Variants in CC2D2B observed in about 807,000 individuals in gnomAD.
CC2D2B encodes protein CC2D2B.
A neutral mutation model predicts 161.2 loss-of-function variants in CC2D2B; 128 were observed. The observed-to-expected ratio is 0.79, with a 90% CI of 0.69 to 0.92. The LOEUF (loss-of-function observed/expected upper bound fraction) is 0.92, where lower values mean the gene tolerates loss of function less well. Among genes scored for constraint, CC2D2B ranks in the 40% least tolerant of loss-of-function variants. The pLI is 0.00. For synonymous variants in CC2D2B, 391 were observed against 449.8 expected, an observed-to-expected ratio of 0.87 and a Z score of 1.65; for missense variants, 1,173 against 1,375.1, an observed-to-expected ratio of 0.85 and a Z score of 2.32.
chr10:96,001,315 A>G (rs117528745), intron 24 of CC2D2B, among the ~76,000 whole-genome samples: 1 of 152,160 alleles, frequency 6.6e-6, no homozygotes, highest in Non-Finnish European at 1.5e-5. Context: ...CTTCTTATTC[A>G]TACACATAGA....
rs189011317 is a variant in CC2D2B, at chr10:95,981,596, G to A, written c.1944-379G>A. Among the ~76,000 whole-genome samples the A allele has an allele frequency of 9.2e-5, 14 of 152,146 alleles. No individual in the cohort carries two copies. In the East Asian group the frequency reaches 2.7e-3, roughly 29 times the overall value. On this transcript the variant is annotated intron_variant, in intron 17 of 34. Transcript: ENST00000646931. ...ATTAAATTTCAATATTGTGCATCCT[G>A]TGAAAAGAAAACATTTAATAAGTTA...
chr10:95,916,828 A>G (rs1771475579), intron 2 of CC2D2B, among the ~76,000 whole-genome samples: 1 of 152,234 alleles, frequency 6.6e-6, no homozygotes, highest in Non-Finnish European at 1.5e-5. Flanking sequence ...ATTCTTGAGC[A>G]TGATCCATGT....
chr10:95,913,372 G>T, intron 2 of CC2D2B: 1 of 383,346 alleles, frequency 2.6e-6, no homozygotes, highest in African/African-American at 2.1e-5. Context: ...ATCTGTTGAT[G>T]GACACTTAGG....
Position 96,019,206 on chromosome 10 carries a change from C to T in CC2D2B, c.3634C>T (p.His1212Tyr). 6.3e-7 allele frequency: 1 copy of T among 1,593,278 alleles called. No homozygotes were observed. The highest frequency in any genetic ancestry group is 8.5e-7 in the Non-Finnish European group (1 of 1,172,458). The change falls in exon 31 of 35, where the codon CAT (histidine) becomes TAT (tyrosine). Residue 1212 changes from histidine (H) to tyrosine (Y), a missense_variant. Physicochemically the swap from His to Tyr is moderately conservative, Grantham distance 83 (BLOSUM62 2). Transcript: ENST00000646931. ...TACTTTCTTTTTTCTCATACAGGGGCATGTGGCTTATGTAGTAACTCAAGA... is the reference window on the plus strand; with the variant it reads ...TACTTTCTTTTTTCTCATACAGGGGTATGTGGCTTATGTAGTAACTCAAGA... Reference protein sequence around the residue: ...VLLGTSVLEGHVAYVVTQETN... With the variant: ...VLLGTSVLEGYVAYVVTQETN...
At chr10:95,930,484 G>A (rs984547250) in intron 6 of CC2D2B, among the ~76,000 whole-genome samples, 1 of 152,174 alleles carries the variant, frequency 6.6e-6, no homozygotes, top group African/African-American at 2.4e-5. Flanking sequence ...AGTTTTCAAA[G>A]GGAATGCTTC....
rs2077528485 is a variant in CC2D2B at position 95,981,466 on chromosome 10, C to G, written c.1944-509C>G. 3.3e-5 allele frequency among the ~76,000 whole-genome samples: 5 copies of G among 150,984 alleles called. No individual in the cohort carries two copies. In the South Asian group the frequency reaches 1.0e-3, roughly 32 times the overall value. On this transcript the variant is annotated intron_variant, in intron 17 of 34. Coordinates refer to ENST00000646931, the MANE Select transcript of CC2D2B (RefSeq NM_001349008.3). ...GGATGGTCCTCTGGCACATACTTACCCAGTTAATTGCATTACTTTCTATTA... is the reference window on the plus strand; with the variant it reads ...GGATGGTCCTCTGGCACATACTTACGCAGTTAATTGCATTACTTTCTATTA...
chr10:95,969,270 G>T (rs535313117), intron 15 of CC2D2B, among the ~76,000 whole-genome samples: 19 of 152,214 alleles, frequency 1.2e-4, no homozygotes, highest in African/African-American at 4.1e-4. Context: ...TTCCTGACTT[G>T]GTGGCTTCAG....
chr10:95,974,300 C>A, intron 17 of CC2D2B, 144 bp downstream of exon 17: 1 of 419,664 alleles, frequency 2.4e-6, no homozygotes, highest in Non-Finnish European at 4.0e-6. Flanking sequence ...ATTTAAATCA[C>A]TCTACTAAGG....
intron 7 of CC2D2B, 83 bp downstream of exon 7, chr10:95,938,272 A>T: frequency 1.1e-6 from 1 of 882,278 alleles, no homozygotes; most frequent in South Asian, 1.7e-5. Context: ...CTGGATAAAT[A>T]AAAAATACTG....
intron 6 of CC2D2B, among the ~76,000 whole-genome samples, chr10:95,934,449 A>AG (rs2075739335): frequency 6.6e-6 from 1 of 151,250 alleles, no homozygotes; most frequent in African/African-American, 2.4e-5. Context: ...AAAAAAAAAA[A>AG]CAAACAAACA....
intron 24 of CC2D2B, chr10:95,999,859 G>A (rs2078394535): frequency 4.2e-6 from 2 of 481,786 alleles, no homozygotes; most frequent in Non-Finnish European, 4.1e-6. Context: ...TCTGGGTGAA[G>A]CAGGCTGGCA....
At chr10:96,014,751 C>G (rs2079119485) in intron 29 of CC2D2B, among the ~76,000 whole-genome samples, 1 of 152,236 alleles carries the variant, frequency 6.6e-6, no homozygotes, top group African/African-American at 2.4e-5. Context: ...GTCATCCTCT[C>G]CCTACTCCTC....
chr10:95,925,151 G>C (rs556190141), intron 5 of CC2D2B, among the ~76,000 whole-genome samples: 103 of 152,138 alleles, frequency 6.8e-4, no homozygotes, highest in Non-Finnish European at 1.2e-3. Context: ...ATTTGAACAG[G>C]CAACAATCCA....
intron 15 of CC2D2B, among the ~76,000 whole-genome samples, chr10:95,969,893 A>C (rs1180637514): frequency 6.6e-6 from 1 of 152,136 alleles, no homozygotes; most frequent in Non-Finnish European, 1.5e-5. Flanking sequence ...TCATCCTATC[A>C]CTTAGCATAT....
intron 9 of CC2D2B, among the ~76,000 whole-genome samples, chr10:95,943,988 C>T (rs1482194481): frequency 6.6e-6 from 1 of 152,016 alleles, no homozygotes; most frequent in Non-Finnish European, 1.5e-5. Context: ...CTATATTTTC[C>T]GTTTACCTAG....
intron 1 of CC2D2B, among the ~76,000 whole-genome samples, chr10:95,910,231 G>C (rs2098503641): frequency 6.6e-6 from 1 of 152,202 alleles, no homozygotes; most frequent in African/African-American, 2.4e-5. Context: ...GCATGAACTT[G>C]CATTTAACCG....
At chr10:95,979,108 CA>C (rs2077418319) in intron 17 of CC2D2B, among the ~76,000 whole-genome samples, 1 of 150,116 alleles carries the variant, frequency 6.7e-6, no homozygotes, top group South Asian at 2.1e-4. Context: ...TTTTGGTTAG[CA>C]GTGTCATTTT....
chr10:95,995,530 C>A (rs551230827), intron 23 of CC2D2B, among the ~76,000 whole-genome samples, 165 bp downstream of exon 23: 23 of 152,308 alleles, frequency 1.5e-4, no homozygotes, highest in Admixed American at 1.4e-3. Context: ...CTATTTCATT[C>A]CCTGCTCTCA....
chr10:95,971,253 G>A (rs2077117762), intron 15 of CC2D2B, among the ~76,000 whole-genome samples: 1 of 151,974 alleles, frequency 6.6e-6, no homozygotes. Context: ...GCCAGGTGTG[G>A]TGGTGGGCAC....
Sources: allele counts gnomAD v4.1 joint callset (sites outside exome capture counted in the v4.1 genomes callset), GRCh38; gene constraint gnomAD v4.1.1; transcripts MANE v1.5; gene names NCBI Gene and HGNC (gene_info 2026-07-23, HGNC 2026-07-21).